Variants in SCARA5 observed in about 807,000 individuals in gnomAD.
SCARA5 encodes scavenger receptor class A, member 5 (putative).
Under a neutral mutation model 46.3 loss-of-function variants are expected in SCARA5, and 45 were observed. The ratio of observed to expected loss-of-function variants is 0.97; its 90% CI spans 0.76 to 1.24. SCARA5 has a LOEUF of 1.24. SCARA5 is among the 50% of genes most tolerant of loss of function. SCARA5 has a pLI of 0.00. For synonymous variants in SCARA5, 333 were observed against 306.5 expected (o/e 1.09, Z -0.90); for missense variants, 680 against 689.0 (o/e 0.99, Z 0.15).
intron 5 of SCARA5, chr8:27,909,033 C>T (rs967939001): frequency 6.6e-6 from 1 of 152,148 alleles, no homozygotes; most frequent in Non-Finnish European, 1.5e-5. Context: ...AGCACAGGCT[C>T]AGGAATGGAC....
chr8:27,921,557 G>A lies in SCARA5; in HGVS notation c.916+14C>T. ...AAGGGGCCGTGGGTGGAGGCAGCAA[G>A]GGCCTGGCGGTACCTTTCGCGAGGG... On this transcript the variant is annotated intron_variant, in intron 4 of 8. Transcript: ENST00000354914. The A allele has an allele frequency of 2.0e-6, 3 of 1,530,320 alleles. No homozygotes were observed. The highest frequency in any genetic ancestry group is 1.8e-6 in the Non-Finnish European group (2 of 1,134,982). The allele number at this position is 1,530,320 out of a possible 1,614,324, so 94.8% of individuals were successfully genotyped here.
chr8:27,907,367 G>C lies in SCARA5; in HGVS notation c.998-121C>G, dbSNP rs1807280935. The C allele has an allele frequency of 1.4e-5, 9 of 620,920 alleles. No homozygotes were observed. In the South Asian group the frequency reaches 2.0e-4, roughly 14 times the overall value. The allele number at this position is 620,920 out of a possible 1,614,324, so 38.5% of individuals were successfully genotyped here. A position where few individuals can be genotyped will look rare whatever the true frequency, so the allele number is the denominator to read the frequency against. On this transcript the variant is annotated intron_variant, in intron 5 of 8. Transcript: ENST00000354914. ...CATCCTCTCTTAGCCTCTGTGTCTGGCTTTTTTCTGTTAATCTAAAGATGC... is the reference window on the plus strand; with the variant it reads ...CATCCTCTCTTAGCCTCTGTGTCTGCCTTTTTTCTGTTAATCTAAAGATGC...
At chr8:27,957,193 G>T (rs1358255550) in intron 3 of SCARA5, among the ~76,000 whole-genome samples, 1 of 152,200 alleles carries the variant, frequency 6.6e-6, no homozygotes, top group Non-Finnish European at 1.5e-5. Flanking sequence ...TTCTTAGCAA[G>T]GGTTGGGCAC....
At chr8:27,922,395 T>C (rs1807613604) in intron 3 of SCARA5, 150 bp from the exon 4 acceptor site, 2 of 553,954 alleles carry the variant, frequency 3.6e-6, no homozygotes, top group Non-Finnish European at 6.1e-6. Flanking sequence ...AGCGCTTTAC[T>C]AGATCCCAGG....
chr8:27,923,604 T>A (rs1393827783), intron 3 of SCARA5, among the ~76,000 whole-genome samples: 1 of 152,244 alleles, frequency 6.6e-6, no homozygotes, highest in African/African-American at 2.4e-5. Flanking sequence ...AGAGTCTCAC[T>A]CTGTTGCTGT....
At chr8:27,922,351 A>C in intron 3 of SCARA5, 106 bp from the exon 4 acceptor site, 1 of 674,546 alleles carries the variant, frequency 1.5e-6, no homozygotes, top group Non-Finnish European at 2.3e-6. Flanking sequence ...TGCTCAATAA[A>C]TGATAGACGA....
chr8:27,992,120 G>A (rs1808795984), intron 1 of SCARA5, 137 bp downstream of exon 1: 1 of 152,252 alleles, frequency 6.6e-6, no homozygotes, highest in South Asian at 2.1e-4. Flanking sequence ...TTCCCACCTG[G>A]AGAAGGCACC....
chr8:27,956,282 A>G (rs1467970422), intron 3 of SCARA5, among the ~76,000 whole-genome samples: 1 of 152,196 alleles, frequency 6.6e-6, no homozygotes, highest in Non-Finnish European at 1.5e-5. Context: ...CTGTACATAC[A>G]TCCCCAAACC....
At chr8:27,991,554 T>G (rs1808786337) in intron 1 of SCARA5, among the ~76,000 whole-genome samples, 1 of 152,182 alleles carries the variant, frequency 6.6e-6, no homozygotes, top group African/African-American at 2.4e-5. Flanking sequence ...AGCACGAGCC[T>G]CATTTGCTGC....
chr8:27,985,945 A>T (rs1360109175), intron 2 of SCARA5, among the ~76,000 whole-genome samples: 1 of 152,226 alleles, frequency 6.6e-6, no homozygotes, highest in African/African-American at 2.4e-5. Context: ...GGTTCAGAAA[A>T]AGGGAGAGTA....
intron 2 of SCARA5, among the ~76,000 whole-genome samples, chr8:27,969,202 T>A (rs545157991): frequency 6.6e-6 from 1 of 152,326 alleles, no homozygotes; most frequent in East Asian, 1.9e-4. Context: ...AGAAGCATGT[T>A]AGCTGGGTAA....
intron 1 of SCARA5, among the ~76,000 whole-genome samples, chr8:27,988,129 G>A (rs1808732613): frequency 6.6e-6 from 1 of 152,244 alleles, no homozygotes; most frequent in Non-Finnish European, 1.5e-5. Context: ...GAGTCCACTT[G>A]CAAACAAAGC....
intron 3 of SCARA5, among the ~76,000 whole-genome samples, chr8:27,962,654 C>T (rs1330396177): frequency 6.6e-6 from 1 of 152,210 alleles, no homozygotes; most frequent in Non-Finnish European, 1.5e-5. Flanking sequence ...AAAAGGGATA[C>T]TCAGTTCAAA....
intron 4 of SCARA5, among the ~76,000 whole-genome samples, chr8:27,912,170 C>T (rs35857051): frequency 0.22 from 32,804 of 152,072 alleles, 3,928 homozygotes; most frequent in Middle Eastern, 0.3. Context: ...CCCAGGAAAT[C>T]GAAACACACA....
chr8:27,970,151 C>T (rs972148917), intron 2 of SCARA5, among the ~76,000 whole-genome samples: 4 of 152,112 alleles, frequency 2.6e-5, no homozygotes, highest in Non-Finnish European at 2.9e-5. Context: ...ATGTCATGAG[C>T]GCCCACAGAG....
At position 27,921,577 on chromosome 8, in the gene SCARA5, C is replaced by G; in HGVS notation, c.910G>C (p.Ala304Pro). 1 of 1,548,688 alleles carries G rather than the reference C, an allele frequency of 6.5e-7. No individual in the cohort carries two copies. The highest frequency in any genetic ancestry group is 1.2e-5 in the South Asian group (1 of 81,498). ...AGCAAGGGCCTGGCGGTACCTTTCG[C>G]GAGGGAGATGTTCCGCAGTGCGATG... is the stretch of plus-strand genomic sequence containing the variant. ...HSIALRNISL[A>P]KGPPGPKGDQ... Residue 304 changes from alanine (A) to proline (P), a missense_variant, in exon 4 of 9, where the codon GCG (alanine) becomes CCG (proline). Ala to Pro is a conservative substitution (Grantham distance 27). Around this residue, in one of 3 missense-constraint regions of SCARA5, gnomAD observed 438 missense variants for 384.5 expected, o/e 1.14. Transcript: ENST00000354914.
intron 3 of SCARA5, among the ~76,000 whole-genome samples, chr8:27,966,160 G>A (rs1001614908): frequency 6.6e-6 from 1 of 152,180 alleles, no homozygotes; most frequent in African/African-American, 2.4e-5. Context: ...CAATGATGCA[G>A]GAAAAGTCAG....
chr8:27,899,702 T>G (rs1311535924), intron 7 of SCARA5, among the ~76,000 whole-genome samples: 2 of 152,240 alleles, frequency 1.3e-5, no homozygotes, highest in Non-Finnish European at 2.9e-5. Context: ...CCAGGCTTAT[T>G]TTTTGTCTCT....
chr8:27,892,239 C>T lies in SCARA5; in HGVS notation c.1154-12473G>A, dbSNP rs147507972. On this transcript the variant is annotated intron_variant, in intron 7 of 8. Coordinates refer to ENST00000354914, the MANE Select transcript of SCARA5 (RefSeq NM_173833.6). Reference sequence around the variant, plus strand: ...AGCCAAAGGGCAGTGGCCCCCAGAACGGCCTTGGATTCCGAGTGACCTTCT... The same window carrying T: ...AGCCAAAGGGCAGTGGCCCCCAGAATGGCCTTGGATTCCGAGTGACCTTCT... Among the ~76,000 whole-genome samples the T allele has an allele frequency of 4.1e-3, 629 of 152,346 alleles. 4 individuals carry two copies. Among genetic ancestry groups the T allele is most frequent in the African/African-American group, 0.014 (590 of 41,578 alleles).
Sources: allele counts gnomAD v4.1 joint callset (sites outside exome capture counted in the v4.1 genomes callset), GRCh38; gene constraint gnomAD v4.1.1; regional missense constraint gnomAD v4.1.1; transcripts MANE v1.5; gene names NCBI Gene and HGNC (gene_info 2026-07-23, HGNC 2026-07-21).